The following CEP85 variants were observed in gnomAD, a reference collection of about 807,000 sequenced individuals.
CEP85 encodes the protein centrosomal protein of 85 kDa.
CEP85 carries 58 observed loss-of-function variants against 93.7 expected under a neutral mutation model. That is an observed-to-expected ratio of 0.62 (90% CI 0.50 to 0.77). CEP85 has a LOEUF of 0.77. CEP85 is among the 30% of genes least tolerant of loss of function. CEP85 has a pLI of 0.00. For synonymous variants in CEP85, 314 were observed against 338.6 expected, an observed-to-expected ratio of 0.93 and a Z score of 0.80; for missense variants, 868 against 922.0, an observed-to-expected ratio of 0.94 and a Z score of 0.76.
At chr1:26,241,389 C>A (rs12727321) in intron 2 of CEP85, among the ~76,000 whole-genome samples, 20 of 151,500 alleles carry the variant, frequency 1.3e-4, no homozygotes, top group Non-Finnish European at 8.8e-5. Flanking sequence ...ACTACAGGTG[C>A]CCGCCACCAT....
chr1:26,260,034 A>G (rs1401703422), intron 7 of CEP85, among the ~76,000 whole-genome samples: 1 of 152,176 alleles, frequency 6.6e-6, no homozygotes, highest in Non-Finnish European at 1.5e-5. Context: ...AGAAAGTTGT[A>G]TGATCCCTCA....
At chr1:26,256,660 G>A (rs1223685124) in intron 4 of CEP85, among the ~76,000 whole-genome samples, 2 of 145,322 alleles carry the variant, frequency 1.4e-5, no homozygotes, top group East Asian at 4.2e-4. Flanking sequence ...GTGCAGTGGC[G>A]TGTTCTCGGC....
At chr1:26,261,657 G>A (rs2089809908) in intron 7 of CEP85, among the ~76,000 whole-genome samples, 1 of 151,528 alleles carries the variant, frequency 6.6e-6, no homozygotes, top group South Asian at 2.1e-4. Flanking sequence ...CACTTTGGGA[G>A]ACTGTGGCAA....
At chr1:26,257,888 A>G (rs1251343590) in intron 5 of CEP85, among the ~76,000 whole-genome samples, 158 bp downstream of exon 5, 2 of 152,196 alleles carry the variant, frequency 1.3e-5, no homozygotes, top group Non-Finnish European at 2.9e-5. Flanking sequence ...AGTCGTGTAT[A>G]TATAACTAAT....
At chr1:26,261,403 C>T (rs1407414752) in intron 7 of CEP85, among the ~76,000 whole-genome samples, 8 of 151,854 alleles carry the variant, frequency 5.3e-5, no homozygotes, top group African/African-American at 1.5e-4. Flanking sequence ...ACCCAGGAGG[C>T]GGAAGTTGCA....
chr1:26,236,507 G>C (rs1259333150), intron 1 of CEP85, among the ~76,000 whole-genome samples: 3 of 150,744 alleles, frequency 2.0e-5, no homozygotes, highest in African/African-American at 4.9e-5. Context: ...GGAAATTTCT[G>C]TCTCCTTCAG....
chr1:26,257,228 CA>C (rs2089721277), intron 4 of CEP85, among the ~76,000 whole-genome samples: 3 of 152,170 alleles, frequency 2.0e-5, no homozygotes, highest in Admixed American at 1.3e-4. Flanking sequence ...CCACCGCACC[CA>C]GCATATTTTC....
Position 26,255,316 on chromosome 1 carries a change from C to G in CEP85, c.354C>G (p.Leu118=). 2 of 1,614,164 alleles carry G rather than the reference C, an allele frequency of 1.2e-6. No individual in the cohort carries two copies. Among genetic ancestry groups the G allele is most frequent in the Non-Finnish European group, 1.7e-6 (2 of 1,180,018 alleles). Reference sequence around the variant, plus strand: ...CTGTTGGACCCTCTTCCTCTAAACTCCCTTTGTCAGGGTTGGCTGAAAGTG... The same window carrying G: ...CTGTTGGACCCTCTTCCTCTAAACTGCCTTTGTCAGGGTTGGCTGAAAGTG... ...STPVGPSSSK[L]PLSGLAESVG... is the part of the protein sequence containing the mutation. Residue 118 remains leucine (L), a synonymous_variant, in exon 4 of 14, where the codon CTC becomes CTG. Coordinates refer to ENST00000451429, the MANE Select transcript of CEP85 (RefSeq NM_001319944.2).
chr1:26,243,979 C>T (rs1252612533), intron 2 of CEP85, among the ~76,000 whole-genome samples, 187 bp from the exon 3 acceptor site: 9 of 122,090 alleles, frequency 7.4e-5, no homozygotes, highest in Non-Finnish European at 1.6e-5. Flanking sequence ...GGTGACAGAG[C>T]AGACTCCGTC....
At chr1:26,251,838 T>C (rs1375766125) in intron 3 of CEP85, among the ~76,000 whole-genome samples, 1 of 152,186 alleles carries the variant, frequency 6.6e-6, no homozygotes, top group East Asian at 1.9e-4. Flanking sequence ...CAACCCCTCA[T>C]GTGCTACAAC....
chr1:26,244,017 A>C lies in CEP85; in HGVS notation c.56-149A>C, dbSNP rs896295704. 82 of 484,670 alleles carry C rather than the reference A, an allele frequency of 1.7e-4. No homozygotes were observed. In the East Asian group the frequency reaches 2.1e-3, roughly 12 times the overall value. The allele number at this position is 484,670 out of a possible 1,614,324, so 30.0% of individuals were successfully genotyped here. A position where few individuals can be genotyped will look rare whatever the true frequency, so the allele number is the denominator to read the frequency against. On this transcript the variant is annotated intron_variant, in intron 2 of 13. Transcript: ENST00000451429. ...AAAAAAAAAAAAAAAAAAAAAAAAA[A>C]CTAGATCGGAGCAGCTGAAATAGGC...
intron 4 of CEP85, among the ~76,000 whole-genome samples, chr1:26,256,953 G>GTT (rs1379351266): frequency 6.7e-6 from 1 of 149,614 alleles, no homozygotes. Context: ...GTGTGTGTGT[G>GTT]TGTTTTGGAG....
At chr1:26,266,301 C>T (rs1309316754) in intron 7 of CEP85, among the ~76,000 whole-genome samples, 2 of 152,118 alleles carry the variant, frequency 1.3e-5, no homozygotes, top group Non-Finnish European at 2.9e-5. Context: ...GTGGGAGCAT[C>T]ACTTGAGCCC....
At position 26,278,498 on chromosome 1, in the gene CEP85, TTGGACCTCATGCC is replaced by T. The variant is rs1196258976; in HGVS notation, c.*1209_*1221del. ...TAAGCTTTGGGCTGTTGGCAGCATC[TTGGACCTCATGCC>T]TGGGCCTGAATGAGGCTCTTTCTTA... is the stretch of plus-strand genomic sequence containing the variant. On this transcript the variant is annotated 3_prime_UTR_variant, in exon 14 of 14. Transcript: ENST00000451429. 6.5e-6 allele frequency: 1 copy of T among 152,698 alleles called. No homozygotes were observed. The highest frequency in any genetic ancestry group is 1.5e-5 in the Non-Finnish European group (1 of 68,068). 9.5% of individuals were successfully genotyped at this position (152,698 alleles called of 1,614,324 possible).
chr1:26,273,409 C>A (rs569384741), intron 11 of CEP85, among the ~76,000 whole-genome samples: 25 of 152,292 alleles, frequency 1.6e-4, no homozygotes, highest in South Asian at 1.0e-3. Context: ...TCACCTCTTT[C>A]AAGTCCTGTA....
rs1323877682 is a variant in CEP85 at position 26,257,894 on chromosome 1, CTAATA to C, written c.1037+170_1037+174del. ...AAGCAGCCTAGTCGTGTATATATAA[CTAATA>C]TAATAGACCAGTTATGTATTTCTTT... On this transcript the variant is annotated intron_variant, in intron 5 of 13. Transcript: ENST00000451429. Among the ~76,000 whole-genome samples the C allele has an allele frequency of 2.0e-5, 3 of 152,240 alleles. No homozygotes were observed. In the East Asian group the frequency reaches 5.8e-4, roughly 29 times the overall value.
chr1:26,235,620 T>TG (rs1204351216), intron 1 of CEP85, among the ~76,000 whole-genome samples: 11 of 141,982 alleles, frequency 7.7e-5, no homozygotes, highest in African/African-American at 2.9e-4. Flanking sequence ...TTGCCCAGGC[T>TG]GGAGTGCCGT....
chr1:26,275,283 GTTT>G (rs369648487), intron 12 of CEP85, among the ~76,000 whole-genome samples: 4 of 140,632 alleles, frequency 2.8e-5, no homozygotes, highest in Admixed American at 7.1e-5. Context: ...ACCTAGGAAG[GTTT>G]TTTTTTTTTT....
Position 26,258,253 on chromosome 1 carries a change from G to A in CEP85, c.1148G>A (p.Arg383Lys), listed in dbSNP as rs1429198875. ...PAPFGDVCLL[R>K]LQELQRENTF... is the part of the protein sequence containing the mutation. ...CCCTTTGGTGATGTCTGCTTGCTGAGGCTACAGGTAAGTATTGGCCATCAG... is the reference window on the plus strand; with the variant it reads ...CCCTTTGGTGATGTCTGCTTGCTGAAGCTACAGGTAAGTATTGGCCATCAG... The change falls in exon 6 of 14, where the codon AGG becomes AAG. Residue 383 changes from arginine (R) to lysine (K), a missense_variant. By Grantham distance (26) the Arg-to-Lys change is conservative. Transcript: ENST00000451429. The A allele has an allele frequency of 1.9e-6, 3 of 1,610,054 alleles. No individual in the cohort carries two copies. The highest frequency in any genetic ancestry group is 1.7e-6 in the Non-Finnish European group (2 of 1,176,430).
Sources: gnomAD v4.1 joint callset for allele counts (sites outside exome capture counted in the v4.1 genomes callset) on GRCh38, gnomAD v4.1.1 for gene constraint, MANE v1.5 for transcripts, NCBI Gene and HGNC (gene_info 2026-07-23, HGNC 2026-07-21) for gene names.